The following CDH23 variants were observed in gnomAD, a reference collection of about 807,000 sequenced individuals.
CDH23 encodes the protein cadherin related 23, also known as cadherin-23.
CDH23 carries 189 observed loss-of-function variants against 317.1 expected under a neutral mutation model. The observed-to-expected ratio is 0.60, with a 90% CI of 0.53 to 0.67. The LOEUF (loss-of-function observed/expected upper bound fraction) is 0.67, where lower values mean the gene tolerates loss of function less well. Ranked by LOEUF, CDH23 falls within the 30% of genes least tolerant of loss-of-function variation. The probability of loss-of-function intolerance (pLI) is 0.00; values close to 1 mark genes in which losing one functional copy is unlikely to be tolerated. For synonymous variants in CDH23, 1,839 were observed against 1,876.8 expected, an observed-to-expected ratio of 0.98 and a Z score of 0.52; for missense variants, 4,401 against 4,592.4, an observed-to-expected ratio of 0.96 and a Z score of 1.20.
In CDH23 at chr10:71,751,754, G is replaced by T. The variant is rs1395201557; in HGVS notation, c.4845+9833G>T. ...AAGCAGATGCCGCCCAGACTCAGAA[G>T]GCTGCCGCTGGGCCACATAGGACAG... On this transcript the variant is annotated intron_variant, in intron 38 of 69. Transcript: ENST00000224721. The surrounding 1 kb of genome is among the most constrained non-coding windows in gnomAD (Gnocchi z 4.9). The T allele has an allele frequency of 6.2e-7, 1 of 1,603,002 alleles. No homozygotes were observed. Among genetic ancestry groups the T allele is most frequent in the South Asian group, 1.1e-5 (1 of 90,084 alleles).
At chr10:71,802,777 T>G (rs1841592049) in intron 53 of CDH23, 121 bp from the exon 54 acceptor site, 4 of 1,035,348 alleles carry the variant, frequency 3.9e-6, no homozygotes, top group Admixed American at 2.0e-5. Context: ...TTAGAAGACA[T>G]TACCTCCCTC....
chr10:71,527,784 G>A (rs1256779540), intron 6 of CDH23, among the ~76,000 whole-genome samples: 1 of 152,156 alleles, frequency 6.6e-6, no homozygotes, highest in Non-Finnish European at 1.5e-5. Context: ...AACTTTATAA[G>A]GCTTCTGCAA....
At chr10:71,659,191 A>T (rs1863541431) in intron 14 of CDH23, among the ~76,000 whole-genome samples, 1 of 152,200 alleles carries the variant, frequency 6.6e-6, no homozygotes, top group Admixed American at 6.5e-5. Context: ...GGGCCAGGGG[A>T]CAATGGGCAG....
At chr10:71,543,041 G>T (rs753895982) in intron 6 of CDH23, among the ~76,000 whole-genome samples, 9 of 152,208 alleles carry the variant, frequency 5.9e-5, no homozygotes, top group Non-Finnish European at 1.3e-4. Context: ...GTGCTCTAAG[G>T]TCATTGTAAT....
chr10:71,809,750 C>T, intron 60 of CDH23, 70 bp from the exon 61 acceptor site: 2 of 1,568,372 alleles, frequency 1.3e-6, no homozygotes, highest in Non-Finnish European at 1.7e-6. Context: ...TACCCCAGGG[C>T]TCATGCCCCT....
Position 71,791,344 on chromosome 10 carries a change from G to A in CDH23, c.6253+9G>A. ...AGAGAACTGCCCGCCTGGTAAGCAG[G>A]GGACAGGCCCCAGCACCCCACAACC... On this transcript the variant is annotated intron_variant, in intron 47 of 69. Coordinates refer to ENST00000224721, the MANE Select transcript of CDH23 (RefSeq NM_022124.6). The A allele has an allele frequency of 3.1e-6, 5 of 1,611,952 alleles. No homozygotes were observed. The highest frequency in any genetic ancestry group is 4.2e-6 in the Non-Finnish European group (5 of 1,178,966).
chr10:71,635,776 G>C (rs1862240241), intron 11 of CDH23, among the ~76,000 whole-genome samples: 1 of 152,068 alleles, frequency 6.6e-6, no homozygotes, highest in Non-Finnish European at 1.5e-5. Flanking sequence ...AGTCTGCACA[G>C]GCTGCTGTAA....
chr10:71,504,850 T>C (rs1853546065), intron 3 of CDH23, among the ~76,000 whole-genome samples: 1 of 152,260 alleles, frequency 6.6e-6, no homozygotes, highest in African/African-American at 2.4e-5. Flanking sequence ...GTACTGTGCC[T>C]GTTGTTAAAT....
rs1564573032 is a variant in CDH23 at position 71,427,250 on chromosome 10, A to AGAAAGAAAGG, written c.-5-12568_-5-12567insGGAAAGAAAG. Among the ~76,000 whole-genome samples the AGAAAGAAAGG allele has an allele frequency of 1.2e-4, 17 of 140,222 alleles. 1 individual carries two copies. The highest frequency in any genetic ancestry group is 4.8e-4 in the African/African-American group (17 of 35,084). The allele number at this position is 140,222 out of a possible 152,430, so 92.0% of individuals were successfully genotyped here. On this transcript the variant is annotated intron_variant, in intron 1 of 69. Transcript: ENST00000224721. Reference sequence around the variant, plus strand: ...GAAAGAAAGAAAGAAAGAAAGGGAAAGAAAGAAAGAGAAAGAGAGAAAGAA... The same window carrying AGAAAGAAAGG: ...GAAAGAAAGAAAGAAAGAAAGGGAAAGAAAGAAAGGGAAAGAAAGAGAAAGAGAGAAAGAA...
intron 6 of CDH23, among the ~76,000 whole-genome samples, chr10:71,532,711 G>GTTTTTTTTTGTTTTTTTTTTTTTTTT (rs1855452212): frequency 7.0e-5 from 9 of 128,098 alleles, no homozygotes; most frequent in South Asian, 2.3e-4. Flanking sequence ...TTTTGTTTTT[G>GTTTTTTTTTGTTTTTTTTTTTTTTTT]TTTTTTTTTT....
chr10:71,754,871 G>A (rs1280346666), intron 38 of CDH23, among the ~76,000 whole-genome samples: 1 of 152,186 alleles, frequency 6.6e-6, no homozygotes, highest in Non-Finnish European at 1.5e-5. Flanking sequence ...AGTCAGTTAT[G>A]TAACCCCACT....
chr10:71,698,829 A>T (rs1865485276), intron 22 of CDH23, among the ~76,000 whole-genome samples: 1 of 152,220 alleles, frequency 6.6e-6, no homozygotes, highest in Admixed American at 6.5e-5. Flanking sequence ...ATTAAGAGGC[A>T]CGTGGTTTAG....
intron 3 of CDH23, among the ~76,000 whole-genome samples, chr10:71,452,542 T>C (rs1486654462): frequency 2.6e-5 from 4 of 152,110 alleles, no homozygotes; most frequent in African/African-American, 9.7e-5. Context: ...CCTGCTCCTC[T>C]TTCAAGCTGC....
chr10:71,790,214 C>G (rs911768976), intron 45 of CDH23, 74 bp from the exon 46 acceptor site: 38 of 1,567,454 alleles, frequency 2.4e-5, no homozygotes, highest in Middle Eastern at 1.8e-4. Context: ...CATGGCTCAC[C>G]GGGACAGGGC....
At chr10:71,503,687 A>C (rs1418698512) in intron 3 of CDH23, among the ~76,000 whole-genome samples, 2 of 152,208 alleles carry the variant, frequency 1.3e-5, no homozygotes, top group Non-Finnish European at 2.9e-5. Context: ...AGGACTGTGA[A>C]GACAATAACG....
At chr10:71,712,601 G>A in intron 27 of CDH23, 64 bp from the exon 28 acceptor site, 3 of 1,588,220 alleles carry the variant, frequency 1.9e-6, no homozygotes, top group Non-Finnish European at 2.6e-6. Flanking sequence ...AGTGTGCAAA[G>A]TCACAGGAAG....
intron 38 of CDH23, among the ~76,000 whole-genome samples, chr10:71,745,000 T>C (rs568581825): frequency 6.6e-6 from 1 of 152,354 alleles, no homozygotes; most frequent in South Asian, 2.1e-4. Flanking sequence ...GACACCTCAG[T>C]GAAGAATTGC....
intron 8 of CDH23, among the ~76,000 whole-genome samples, chr10:71,573,179 GACCT>G (rs1857936889): frequency 6.6e-6 from 1 of 152,216 alleles, no homozygotes; most frequent in African/African-American, 2.4e-5. Context: ...GCTGGGCAGT[GACCT>G]GGTCAGTCAA....
intron 3 of CDH23, among the ~76,000 whole-genome samples, chr10:71,502,935 G>T (rs377602872): frequency 6.6e-6 from 1 of 152,286 alleles, no homozygotes; most frequent in South Asian, 2.1e-4. Context: ...TTTCTGGCCC[G>T]CCCCTCATCT....
Sources: gnomAD v4.1 joint callset for allele counts (sites outside exome capture counted in the v4.1 genomes callset) on GRCh38, gnomAD v4.1.1 for gene constraint, Gnocchi (gnomAD v3.1) non-coding constraint, MANE v1.5 for transcripts, NCBI Gene and HGNC (gene_info 2026-07-23, HGNC 2026-07-21) for gene names.